Variants in PDZRN4 observed in about 807,000 individuals in gnomAD.
The protein encoded by PDZRN4 is PDZ domain-containing RING finger protein 4.
PDZRN4 carries 70 observed loss-of-function variants against 99.0 expected under a neutral mutation model. The observed-to-expected ratio is 0.71, with a 90% CI of 0.58 to 0.86. PDZRN4 has a LOEUF of 0.86. Among genes scored for constraint, PDZRN4 ranks in the 40% least tolerant of loss-of-function variants. The pLI is 0.00. For missense variants in PDZRN4, 1,474 were observed against 1,331.2 expected, an observed-to-expected ratio of 1.11 and a Z score of -1.67; for synonymous variants, 551 against 501.6, an observed-to-expected ratio of 1.10 and a Z score of -1.32.
intron 3 of PDZRN4, among the ~76,000 whole-genome samples, chr12:41,471,805 G>A (rs952352855): frequency 1.3e-5 from 2 of 151,364 alleles, no homozygotes; most frequent in Non-Finnish European, 1.5e-5. Flanking sequence ...AAAATAAAAT[G>A]TGCTACTTTT....
chr12:41,188,825 G>T lies in PDZRN4; in HGVS notation c.370G>T (p.Gly124Cys). 7.8e-7 allele frequency: 1 copy of T among 1,288,732 alleles called. No individual in the cohort carries two copies. Among genetic ancestry groups the T allele is most frequent in the South Asian group, 2.4e-5 (1 of 41,638 alleles). 79.8% of individuals were successfully genotyped at this position (1,288,732 alleles called of 1,614,324 possible). Residue 124 changes from glycine to cysteine, a missense_variant, in exon 1 of 10, where the codon GGT becomes TGT. Coordinates refer to ENST00000402685, the MANE Select transcript of PDZRN4 (RefSeq NM_001164595.2). ...CGGGGGCTGCGCTTCGGGGCTGGGC[G>T]GTGGTGAGGTGCCCGCGCGGGGGGG... is the stretch of plus-strand genomic sequence containing the variant. ...SRGGCASGLG[G>C]GEVPARGGCG... is the part of the protein sequence containing the mutation.
intron 3 of PDZRN4, among the ~76,000 whole-genome samples, chr12:41,498,139 C>T (rs373888017): frequency 6.6e-6 from 1 of 152,048 alleles, no homozygotes; most frequent in Non-Finnish European, 1.5e-5. Flanking sequence ...CAATCTCTCT[C>T]TCTCTCTCTC....
intron 3 of PDZRN4, among the ~76,000 whole-genome samples, chr12:41,498,816 G>A (rs1434485313): frequency 6.6e-6 from 1 of 152,190 alleles, no homozygotes; most frequent in East Asian, 1.9e-4. Context: ...CCTTAAAAAT[G>A]TGTAAATTTG....
At chr12:41,370,055 A>G (rs1362114329) in intron 3 of PDZRN4, among the ~76,000 whole-genome samples, 1 of 151,962 alleles carries the variant, frequency 6.6e-6, no homozygotes, top group Non-Finnish European at 1.5e-5. Flanking sequence ...ACCATTTTAA[A>G]TTACACATTA....
chr12:41,527,921 T>C (rs374738293), intron 5 of PDZRN4, among the ~76,000 whole-genome samples: 25 of 152,184 alleles, frequency 1.6e-4, no homozygotes, highest in African/African-American at 4.3e-4. Context: ...CCTACCTATG[T>C]GAGATATTCA....
intron 3 of PDZRN4, among the ~76,000 whole-genome samples, chr12:41,211,437 A>G (rs1950888189): frequency 6.6e-6 from 1 of 151,940 alleles, no homozygotes; most frequent in Admixed American, 6.6e-5. Flanking sequence ...CCTTTGTGGC[A>G]CTTACAGAAA....
At chr12:41,496,230 T>A (rs1365208377) in intron 3 of PDZRN4, among the ~76,000 whole-genome samples, 1 of 152,088 alleles carries the variant, frequency 6.6e-6, no homozygotes, top group Non-Finnish European at 1.5e-5. Flanking sequence ...AGTATTACTG[T>A]CATTGTCACT....
At chr12:41,546,658 A>T (rs1203192275) in intron 5 of PDZRN4, among the ~76,000 whole-genome samples, 1 of 152,194 alleles carries the variant, frequency 6.6e-6, no homozygotes, top group Non-Finnish European at 1.5e-5. Flanking sequence ...AAAGCCAAAA[A>T]AAAGATACTA....
intron 3 of PDZRN4, among the ~76,000 whole-genome samples, chr12:41,374,836 A>C (rs747761670): frequency 6.6e-6 from 1 of 152,210 alleles, no homozygotes; most frequent in Admixed American, 6.5e-5. Flanking sequence ...GTTGAAATTT[A>C]GTTCTTTTTC....
chr12:41,242,213 G>A (rs1433058162), intron 3 of PDZRN4, among the ~76,000 whole-genome samples: 2 of 152,090 alleles, frequency 1.3e-5, no homozygotes, highest in Admixed American at 1.3e-4. Context: ...AAATCTTCAG[G>A]ATTCCTTAAA....
rs1223426103 is a variant in PDZRN4 at position 41,188,846 on chromosome 12, G to A, written c.391G>A (p.Gly131Arg). 5 of 1,263,606 alleles carry A rather than the reference G, an allele frequency of 4.0e-6. No homozygotes were observed. The highest frequency in any genetic ancestry group is 5.0e-6 in the Non-Finnish European group (5 of 1,005,704). The allele number at this position is 1,263,606 out of a possible 1,614,324, so 78.3% of individuals were successfully genotyped here. The part of the protein sequence containing the change: ...GLGGGEVPAR[G>R]GCGPTPRAGR... ...GGGCGGTGGTGAGGTGCCCGCGCGGGGGGGCTGCGGTCCGACACCCAGGGC... is the reference window on the plus strand; with the variant it reads ...GGGCGGTGGTGAGGTGCCCGCGCGGAGGGGCTGCGGTCCGACACCCAGGGC... Residue 131 changes from glycine (G) to arginine (R), a missense_variant, in exon 1 of 10, where the codon GGG becomes AGG. Coordinates refer to ENST00000402685, the MANE Select transcript of PDZRN4 (RefSeq NM_001164595.2).
chr12:41,308,010 G>GT (rs1951583458), intron 3 of PDZRN4, among the ~76,000 whole-genome samples: 1 of 151,998 alleles, frequency 6.6e-6, no homozygotes, highest in African/African-American at 2.4e-5. Context: ...TTATTAAGTG[G>GT]TTGAATTTAG....
chr12:41,514,723 C>G (rs1367366930), intron 5 of PDZRN4, among the ~76,000 whole-genome samples: 2 of 152,086 alleles, frequency 1.3e-5, no homozygotes, highest in Non-Finnish European at 2.9e-5. Context: ...CTTTTCCATA[C>G]AAAGGGAAGT....
chr12:41,372,326 G>A (rs1592032166), intron 3 of PDZRN4, among the ~76,000 whole-genome samples: 1 of 152,250 alleles, frequency 6.6e-6, no homozygotes, highest in East Asian at 1.9e-4. Flanking sequence ...TGTTATGCTA[G>A]ACTTTGGTAA....
At chr12:41,466,775 G>A (rs377670388) in intron 3 of PDZRN4, among the ~76,000 whole-genome samples, 2 of 76,880 alleles carry the variant, frequency 2.6e-5, no homozygotes, top group East Asian at 3.6e-4. Context: ...TTTTGGTTTT[G>A]TTTTGTTTTC....
intron 3 of PDZRN4, among the ~76,000 whole-genome samples, chr12:41,235,420 CAAA>C (rs1566381840): frequency 6.6e-6 from 1 of 151,954 alleles, no homozygotes; most frequent in East Asian, 1.9e-4. Context: ...ATTAAACTAA[CAAA>C]GAAGATAAGC....
intron 3 of PDZRN4, among the ~76,000 whole-genome samples, chr12:41,359,526 A>G (rs1951950502): frequency 6.6e-6 from 1 of 152,024 alleles, no homozygotes. Context: ...AGTGGGAATT[A>G]TAATTCCCAA....
At chr12:41,555,186 G>C (rs1369367926) in intron 6 of PDZRN4, among the ~76,000 whole-genome samples, 1 of 137,618 alleles carries the variant, frequency 7.3e-6, no homozygotes. Flanking sequence ...AGCGGAGATG[G>C]CGCCACTGCA....
intron 3 of PDZRN4, among the ~76,000 whole-genome samples, chr12:41,229,969 T>C (rs1361015298): frequency 6.6e-6 from 1 of 152,084 alleles, no homozygotes; most frequent in Non-Finnish European, 1.5e-5. Flanking sequence ...ACAAGCGGCT[T>C]TTGTCAGAGC....
Sources: allele counts gnomAD v4.1 joint callset (sites outside exome capture counted in the v4.1 genomes callset), GRCh38; gene constraint gnomAD v4.1.1; transcripts MANE v1.5; gene names NCBI Gene and HGNC (gene_info 2026-07-23, HGNC 2026-07-21).